Variants in LRRC28 observed in about 807,000 individuals in gnomAD.
LRRC28 encodes leucine-rich repeat-containing protein 28.
LRRC28 carries 39 observed loss-of-function variants against 45.7 expected under a neutral mutation model. That is an observed-to-expected ratio of 0.85 (90% CI 0.66 to 1.12). The LOEUF (loss-of-function observed/expected upper bound fraction) is 1.12. Among genes scored for constraint, LRRC28 ranks in the 50% most tolerant of loss-of-function variants. LRRC28 has a pLI of 0.00. For missense variants in LRRC28, 435 were observed against 438.5 expected, an observed-to-expected ratio of 0.99 and a Z score of 0.07; for synonymous variants, 206 against 178.8, an observed-to-expected ratio of 1.15 and a Z score of -1.22.
At chr15:99,279,710 T>C (rs1404499124) in intron 3 of LRRC28, among the ~76,000 whole-genome samples, 1 of 152,188 alleles carries the variant, frequency 6.6e-6, no homozygotes, top group African/African-American at 2.4e-5. Flanking sequence ...TGACGCTCAG[T>C]CATTTTTTTC....
At chr15:99,369,287 A>G (rs543001217) in intron 9 of LRRC28, among the ~76,000 whole-genome samples, 2 of 152,188 alleles carry the variant, frequency 1.3e-5, no homozygotes, top group South Asian at 4.2e-4. Flanking sequence ...TCCAGCCTCT[A>G]TTCATTACTT....
chr15:99,268,983 G>A lies in LRRC28; in HGVS notation c.169-7593G>A, dbSNP rs983485500. On this transcript the variant is annotated intron_variant, in intron 2 of 9. Transcript: ENST00000301981. ...AAGAGGCATTTCAGCAATTTTTAAT[G>A]CCTGTTTTTTCTTTTGAAAAATCTT... 5.3e-5 allele frequency among the ~76,000 whole-genome samples: 8 copies of A among 152,082 alleles called. 1 individual carries two copies. Among genetic ancestry groups the A allele is most frequent in the African/African-American group, 1.9e-4 (8 of 41,412 alleles).
intron 5 of LRRC28, among the ~76,000 whole-genome samples, chr15:99,332,523 A>G (rs2152292589): frequency 6.6e-6 from 1 of 152,376 alleles, no homozygotes; most frequent in African/African-American, 2.4e-5. Context: ...AGCAAAGATC[A>G]GCAAACCTTT....
intron 2 of LRRC28, among the ~76,000 whole-genome samples, chr15:99,270,026 T>A (rs1403135145): frequency 1.3e-5 from 2 of 152,162 alleles, no homozygotes; most frequent in Non-Finnish European, 2.9e-5. Context: ...CTATGACATA[T>A]ATAAAAATGG....
intron 6 of LRRC28, among the ~76,000 whole-genome samples, chr15:99,346,311 G>C (rs1469219491): frequency 6.6e-6 from 1 of 152,198 alleles, no homozygotes; most frequent in African/African-American, 2.4e-5. Context: ...TGAGCAGCTG[G>C]AACTATAGGC....
intron 5 of LRRC28, among the ~76,000 whole-genome samples, chr15:99,308,160 C>T (rs976389079): frequency 6.6e-6 from 1 of 152,066 alleles, no homozygotes; most frequent in African/African-American, 2.4e-5. Context: ...TTTCTTTTAC[C>T]AACAGGGCAG....
Position 99,255,951 on chromosome 15 carries a change from T to G in LRRC28, c.-7T>G. ...GCTGCAGCGTGCCTGATGGGATATA[T>G]TCAGTCATGGCGTCCGAACTTTGTA... On this transcript the variant is annotated 5_prime_UTR_variant, in exon 2 of 10. Transcript: ENST00000301981. 1 of 1,611,748 alleles carries G rather than the reference T, an allele frequency of 6.2e-7. No homozygotes were observed. The highest frequency in any genetic ancestry group is 1.1e-5 in the South Asian group (1 of 90,908).
intron 6 of LRRC28, among the ~76,000 whole-genome samples, chr15:99,340,080 G>A (rs1359953009): frequency 6.6e-6 from 1 of 152,258 alleles, no homozygotes; most frequent in Non-Finnish European, 1.5e-5. Context: ...AGTGCAGAGA[G>A]TCATGTTTTA....
chr15:99,339,179 C>G (rs1167036376), intron 6 of LRRC28, among the ~76,000 whole-genome samples: 1 of 152,084 alleles, frequency 6.6e-6, no homozygotes, highest in Non-Finnish European at 1.5e-5. Flanking sequence ...GCTTTTTAAC[C>G]ATGCGCTTCT....
At chr15:99,304,944 CCA>C (rs1412901945) in intron 5 of LRRC28, among the ~76,000 whole-genome samples, 2 of 152,088 alleles carry the variant, frequency 1.3e-5, no homozygotes, top group Non-Finnish European at 2.9e-5. Flanking sequence ...TGTTGGGCCT[CCA>C]CAACAATGTG....
chr15:99,333,823 G>A (rs1315258531), intron 5 of LRRC28, 100 bp from the exon 6 acceptor site: 6 of 1,209,700 alleles, frequency 5.0e-6, no homozygotes, highest in Non-Finnish European at 7.1e-6. Context: ...AATAGTCGCA[G>A]CTACTGATTT....
intron 5 of LRRC28, among the ~76,000 whole-genome samples, chr15:99,309,227 C>T (rs1054488851): frequency 6.6e-6 from 1 of 152,090 alleles, no homozygotes; most frequent in Non-Finnish European, 1.5e-5. Flanking sequence ...TGATATTTTG[C>T]AGGTTCTTTG....
chr15:99,360,987 TGA>T (rs765583483), intron 7 of LRRC28: 5 of 164,730 alleles, frequency 3.0e-5, no homozygotes, highest in Admixed American at 6.4e-5. Flanking sequence ...CTTTTAATTT[TGA>T]GAGTTTCAGA....
intron 5 of LRRC28, among the ~76,000 whole-genome samples, chr15:99,325,834 T>C (rs1011120857): frequency 6.6e-6 from 1 of 152,160 alleles, no homozygotes; most frequent in Non-Finnish European, 1.5e-5. Context: ...AGAGATTTTA[T>C]TGATGTGCAG....
intron 5 of LRRC28, among the ~76,000 whole-genome samples, chr15:99,325,422 T>G (rs534887138): frequency 6.6e-6 from 1 of 152,336 alleles, no homozygotes; most frequent in South Asian, 2.1e-4. Flanking sequence ...TTTTGTTTGT[T>G]CAGTTTTTGC....
intron 5 of LRRC28, among the ~76,000 whole-genome samples, chr15:99,318,471 T>G (rs1456039524): frequency 6.6e-6 from 1 of 152,044 alleles, no homozygotes; most frequent in Admixed American, 6.6e-5. Flanking sequence ...AATAAAAGTT[T>G]AAACAGCATA....
At chr15:99,363,759 T>C (rs28729666) in intron 9 of LRRC28, among the ~76,000 whole-genome samples, 33,196 of 152,180 alleles carry the variant, frequency 0.22, 4,560 homozygotes, top group African/African-American at 0.39. Flanking sequence ...CTTTATTTCT[T>C]GGCACATTGC....
intron 6 of LRRC28, among the ~76,000 whole-genome samples, chr15:99,351,549 G>A (rs942192425): frequency 2.0e-5 from 3 of 151,982 alleles, no homozygotes; most frequent in Admixed American, 6.6e-5. Flanking sequence ...CACACCTCAC[G>A]GGACTGGGAT....
intron 5 of LRRC28, chr15:99,332,115 T>G (rs1956180460): frequency 6.6e-6 from 1 of 152,238 alleles, no homozygotes; most frequent in African/African-American, 2.4e-5. Context: ...GTATTTCTTC[T>G]TATGACTTAT....
Sources: allele counts gnomAD v4.1 joint callset (sites outside exome capture counted in the v4.1 genomes callset), GRCh38; gene constraint gnomAD v4.1.1; transcripts MANE v1.5; gene names NCBI Gene and HGNC (gene_info 2026-07-23, HGNC 2026-07-21).